The following PPFIBP1 variants were observed in gnomAD, a reference collection of about 807,000 sequenced individuals.
PPFIBP1 encodes the protein PPFIB scaffold protein 1.
In PPFIBP1, 112 loss-of-function variants were observed where a neutral mutation model predicts 137.8. The observed-to-expected ratio is 0.81, with a 90% CI of 0.70 to 0.95. The LOEUF (loss-of-function observed/expected upper bound fraction) is 0.95, where lower values mean the gene tolerates loss of function less well. Ranked by LOEUF, PPFIBP1 falls within the 40% of genes least tolerant of loss-of-function variation. PPFIBP1 has a pLI of 0.00. For synonymous variants in PPFIBP1, 378 were observed against 417.3 expected (o/e 0.91, Z 1.15); for missense variants, 1,083 against 1,196.6 (o/e 0.91, Z 1.40).
chr12:27,642,215 C>T (rs1049421237), intron 4 of PPFIBP1, among the ~76,000 whole-genome samples: 4 of 152,222 alleles, frequency 2.6e-5, no homozygotes, highest in Non-Finnish European at 4.4e-5. Context: ...ACCAATGTTA[C>T]AGTTGAGTTA....
At chr12:27,638,412 A>C (rs2057843301) in intron 4 of PPFIBP1, among the ~76,000 whole-genome samples, 1 of 152,226 alleles carries the variant, frequency 6.6e-6, no homozygotes, top group African/African-American at 2.4e-5. Context: ...TGCAGGCTGC[A>C]GTGACTGCAG....
At position 27,679,471 on chromosome 12, in the gene PPFIBP1, A is replaced by T. The variant is rs1229828015; in HGVS notation, c.1616-18A>T. 2 of 1,598,924 alleles carry T rather than the reference A, an allele frequency of 1.3e-6. No individual in the cohort carries two copies. Among genetic ancestry groups the T allele is most frequent in the East Asian group, 2.2e-5 (1 of 44,854 alleles). ...CCATATTTTAAAATTCATTGTCTGC[A>T]TTCTGCTCTTGGAGTAGCTGAAACA... On this transcript the variant is annotated intron_variant, in intron 19 of 29. Coordinates refer to ENST00000228425, the MANE Select transcript of PPFIBP1 (RefSeq NM_003622.4).
At chr12:27,579,937 G>A (rs561979730) in intron 2 of PPFIBP1, among the ~76,000 whole-genome samples, 392 of 152,222 alleles carry the variant, frequency 2.6e-3, no homozygotes, top group African/African-American at 8.7e-3. Flanking sequence ...TGATGTGGTG[G>A]GGCTTATTGT....
At chr12:27,560,487 G>A (rs976433514) in intron 1 of PPFIBP1, among the ~76,000 whole-genome samples, 1 of 152,182 alleles carries the variant, frequency 6.6e-6, no homozygotes, top group Non-Finnish European at 1.5e-5. Flanking sequence ...GTGAACACAT[G>A]ATTTGCATCC....
chr12:27,600,436 CAA>C (rs35671015), intron 2 of PPFIBP1, among the ~76,000 whole-genome samples: 29 of 105,808 alleles, frequency 2.7e-4, no homozygotes, highest in South Asian at 6.4e-4. Flanking sequence ...AACTCCGTCT[CAA>C]AAAAAAAAAA....
chr12:27,530,043 T>C (rs1404621475), intron 1 of PPFIBP1, among the ~76,000 whole-genome samples: 1 of 152,252 alleles, frequency 6.6e-6, no homozygotes, highest in African/African-American at 2.4e-5. Context: ...GTATTTACTT[T>C]ATTTAGAAAA....
chr12:27,679,522 A>T lies in PPFIBP1; in HGVS notation c.1649A>T (p.Asp550Val). 1.2e-6 allele frequency: 2 copies of T among 1,614,068 alleles called. No homozygotes were observed. The change falls in exon 20 of 30, where the codon GAT becomes GTT. Residue 550 changes from aspartate (D) to valine (V), a missense_variant. Physicochemically the swap from Asp to Val is radical, Grantham distance 152 (BLOSUM62 -3). Transcript: ENST00000228425. ...ETEKETAEHL[D>V]LAGASSRPKD... is the part of the protein sequence containing the mutation. ...GAAAAAGAGACAGCAGAGCACCTAG[A>T]TCTGGCTGGTGCTTCTTCTCGGCCA...
intron 2 of PPFIBP1, among the ~76,000 whole-genome samples, chr12:27,609,412 G>C (rs924893721): frequency 1.3e-5 from 2 of 152,076 alleles, no homozygotes; most frequent in Admixed American, 1.3e-4. Flanking sequence ...TTTCATTCCT[G>C]CATACAGTCA....
intron 1 of PPFIBP1, among the ~76,000 whole-genome samples, chr12:27,563,614 G>A (rs2049371587): frequency 6.6e-6 from 1 of 152,064 alleles, no homozygotes; most frequent in South Asian, 2.1e-4. Flanking sequence ...GAATGCAGGT[G>A]ATCCCTTGAA....
chr12:27,566,136 G>A (rs1205557151), intron 1 of PPFIBP1, among the ~76,000 whole-genome samples: 1 of 151,874 alleles, frequency 6.6e-6, no homozygotes, highest in African/African-American at 2.4e-5. Context: ...CCCAGTGGTA[G>A]GTATCGAATA....
chr12:27,546,764 G>A (rs1236074913), intron 1 of PPFIBP1, among the ~76,000 whole-genome samples: 1 of 152,156 alleles, frequency 6.6e-6, no homozygotes, highest in Non-Finnish European at 1.5e-5. Flanking sequence ...TGTAATCCCA[G>A]CATTTTGGGG....
chr12:27,653,291 A>C (rs2058987637), intron 7 of PPFIBP1, among the ~76,000 whole-genome samples: 1 of 152,178 alleles, frequency 6.6e-6, no homozygotes, highest in Non-Finnish European at 1.5e-5. Flanking sequence ...GTCTTTGTAA[A>C]AAGAGAGAAG....
At chr12:27,629,831 C>A (rs1359758681) in intron 2 of PPFIBP1, among the ~76,000 whole-genome samples, 4 of 152,132 alleles carry the variant, frequency 2.6e-5, no homozygotes, top group Non-Finnish European at 5.9e-5. Context: ...ATGGGCAAGG[C>A]AGAATTTTAA....
At chr12:27,669,468 GTT>G (rs529795886) in intron 13 of PPFIBP1, among the ~76,000 whole-genome samples, 45 of 152,148 alleles carry the variant, frequency 3.0e-4, no homozygotes, top group Non-Finnish European at 4.9e-4. Context: ...GTAGTTTTAA[GTT>G]TGTAACAAGA....
chr12:27,645,550 T>C (rs2058414596), intron 4 of PPFIBP1, among the ~76,000 whole-genome samples: 1 of 152,182 alleles, frequency 6.6e-6, no homozygotes, highest in African/African-American at 2.4e-5. Context: ...AATTATAGGC[T>C]CTGCCCTGGA....
At chr12:27,673,556 G>A (rs536839715) in intron 15 of PPFIBP1, among the ~76,000 whole-genome samples, 1 of 152,294 alleles carries the variant, frequency 6.6e-6, no homozygotes, top group East Asian at 1.9e-4. Context: ...AGAACAGTTA[G>A]AATTATTGGC....
chr12:27,665,563 T>C (rs1274038401), intron 12 of PPFIBP1, among the ~76,000 whole-genome samples: 1 of 152,170 alleles, frequency 6.6e-6, no homozygotes, highest in Non-Finnish European at 1.5e-5. Flanking sequence ...GTTGTGCATT[T>C]TGTTGTGTTT....
intron 5 of PPFIBP1, 67 bp downstream of exon 5, chr12:27,646,215 C>A: frequency 7.9e-7 from 1 of 1,272,692 alleles, no homozygotes; most frequent in Non-Finnish European, 1.1e-6. Flanking sequence ...ATTGGGGTGG[C>A]AAATTCAGAT....
Position 27,528,792 on chromosome 12 carries a change from G to T in PPFIBP1, c.-124+4427G>T, listed in dbSNP as rs1944071598. 2.0e-5 allele frequency among the ~76,000 whole-genome samples: 3 copies of T among 152,272 alleles called. No individual in the cohort carries two copies. In the South Asian group the frequency reaches 6.2e-4, roughly 32 times the overall value. Reference sequence around the variant, plus strand: ...CGCACTTTTTAGGCAGTTTGGGGGAGGAGGAGAGAGAACCTGAGGTAAATA... The same window carrying T: ...CGCACTTTTTAGGCAGTTTGGGGGATGAGGAGAGAGAACCTGAGGTAAATA... On this transcript the variant is annotated intron_variant, in intron 1 of 29. Coordinates refer to ENST00000228425, the MANE Select transcript of PPFIBP1 (RefSeq NM_003622.4).
Sources: gnomAD v4.1 joint callset for allele counts (sites outside exome capture counted in the v4.1 genomes callset) on GRCh38, gnomAD v4.1.1 for gene constraint, MANE v1.5 for transcripts, NCBI Gene and HGNC (gene_info 2026-07-23, HGNC 2026-07-21) for gene names.